KLC1: variants seen among roughly 807,000 people sequenced by gnomAD.
The protein encoded by KLC1 is kinesin light chain 1.
Under a neutral mutation model 84.2 loss-of-function variants are expected in KLC1, and 30 were observed. The ratio of observed to expected loss-of-function variants is 0.36; its 90% CI spans 0.27 to 0.48. The LOEUF is 0.48. KLC1 is among the 20% of genes least tolerant of loss of function. The pLI is 0.99. For synonymous variants in KLC1, 289 were observed against 293.3 expected, an observed-to-expected ratio of 0.99 and a Z score of 0.15; for missense variants, 499 against 805.4, an observed-to-expected ratio of 0.62 and a Z score of 4.60.
At chr14:103,696,039 C>T (rs3212140) in intron 15 of KLC1, 249,123 of 982,390 alleles carry the variant, frequency 0.25, 32,465 homozygotes, top group East Asian at 0.55. Flanking sequence ...AGAGGAACCC[C>T]ACGCGAGAGT....
At position 103,656,466 on chromosome 14, in the gene KLC1, A is replaced by G. The variant is rs531018504; in HGVS notation, c.262-1080A>G. Among the ~76,000 whole-genome samples the G allele has an allele frequency of 2.6e-5, 4 of 152,350 alleles. No individual in the cohort carries two copies. The South Asian group carries it at 8.3e-4, about 32-fold the overall frequency. On this transcript the variant is annotated intron_variant, in intron 2 of 16. Transcript: ENST00000334553. ...GGCTCTGTCAGCATATCTTAGGTAA[A>G]ATTAAATATACCAAAGCTTTGCTTC...
Position 103,677,326 on chromosome 14 carries a change from G to T in KLC1, c.1380-89G>T. The T allele has an allele frequency of 1.0e-5, 8 of 792,450 alleles. No homozygotes were observed. The South Asian group carries it at 1.2e-4, about 12-fold the overall frequency. The allele number at this position is 792,450 out of a possible 1,614,324, so 49.1% of individuals were successfully genotyped here. ...AAAATATATTCAAGCCAAAACAGAA[G>T]TCTGTTAGTTCTTTAGATTATGTGC... On this transcript the variant is annotated intron_variant, in intron 11 of 16. Transcript: ENST00000334553.
chr14:103,662,990 C>T, intron 5 of KLC1, 63 bp downstream of exon 5: 3 of 1,104,046 alleles, frequency 2.7e-6, no homozygotes, highest in South Asian at 1.6e-5. Flanking sequence ...CCATCTTGCC[C>T]CTTAAAATAT....
intron 1 of KLC1, among the ~76,000 whole-genome samples, chr14:103,635,117 G>A (rs572257977): frequency 6.6e-6 from 1 of 152,328 alleles, no homozygotes; most frequent in East Asian, 1.9e-4. Flanking sequence ...TGAACTTAAA[G>A]CAACGGATAT....
At chr14:103,631,313 C>G (rs965096053) in intron 1 of KLC1, among the ~76,000 whole-genome samples, 2 of 152,126 alleles carry the variant, frequency 1.3e-5, no homozygotes, top group Non-Finnish European at 2.9e-5. Context: ...ATCTCCTGAC[C>G]TCGTGATCCG....
intron 15 of KLC1, chr14:103,695,407 A>G (rs1567043416): frequency 2.0e-6 from 2 of 978,320 alleles, no homozygotes; most frequent in Non-Finnish European, 2.4e-6. Context: ...TGAGAAGCCA[A>G]CCCCCCCCAA....
rs1595577710 is a variant in KLC1 at position 103,692,525 on chromosome 14, A to G, written c.1848+100A>G. On this transcript the variant is annotated intron_variant, in intron 15 of 16. Coordinates refer to ENST00000334553, the MANE Select transcript of KLC1 (RefSeq NM_001394837.1). Reference sequence around the variant, plus strand: ...GCCCCTGCTCGGCCCCTGCTCCTGCAGAGGGCTGGGGACGCCGCCACGTTT... The same window carrying G: ...GCCCCTGCTCGGCCCCTGCTCCTGCGGAGGGCTGGGGACGCCGCCACGTTT... The G allele has an allele frequency of 3.0e-6, 3 of 1,003,468 alleles. No homozygotes were observed. The East Asian group carries it at 7.9e-5, about 26-fold the overall frequency. 62.2% of individuals were successfully genotyped at this position (1,003,468 alleles called of 1,614,324 possible). A position where few individuals can be genotyped will look rare whatever the true frequency, so the allele number is the denominator to read the frequency against.
chr14:103,655,881 C>T (rs1199594421), intron 2 of KLC1, among the ~76,000 whole-genome samples: 1 of 152,164 alleles, frequency 6.6e-6, no homozygotes, highest in African/African-American at 2.4e-5. Context: ...ATAGTGGATA[C>T]TGCTGTGTAT....
chr14:103,650,892 T>A (rs1439955537), intron 1 of KLC1, among the ~76,000 whole-genome samples: 1 of 152,116 alleles, frequency 6.6e-6, no homozygotes, highest in Non-Finnish European at 1.5e-5. Flanking sequence ...TGTATACTTT[T>A]GAATTCTTCA....
At chr14:103,689,898 C>A (rs563037483) in intron 14 of KLC1, among the ~76,000 whole-genome samples, 1 of 152,090 alleles carries the variant, frequency 6.6e-6, no homozygotes, top group East Asian at 1.9e-4. Flanking sequence ...GAGTTAATGG[C>A]GGCCGGTGCA....
At chr14:103,686,939 G>A in intron 13 of KLC1, 142 bp from the exon 14 acceptor site, 1 of 452,092 alleles carries the variant, frequency 2.2e-6, no homozygotes, top group East Asian at 3.5e-5. Context: ...ATGGTAATTG[G>A]TGGTTTCTGC....
intron 15 of KLC1, chr14:103,696,068 A>T: frequency 1.0e-6 from 1 of 976,838 alleles, no homozygotes; most frequent in Non-Finnish European, 1.2e-6. Context: ...GTTTCTTCAG[A>T]GTTGCTGTCA....
intron 1 of KLC1, among the ~76,000 whole-genome samples, chr14:103,639,419 C>T (rs1029461338): frequency 3.3e-5 from 5 of 152,154 alleles, no homozygotes; most frequent in Non-Finnish European, 7.4e-5. Context: ...GTGTGAGCCA[C>T]CACGCCTGGC....
chr14:103,636,617 T>C (rs1269295328), intron 1 of KLC1, among the ~76,000 whole-genome samples: 2 of 152,168 alleles, frequency 1.3e-5, no homozygotes, highest in African/African-American at 2.4e-5. Flanking sequence ...GGTGAGCGCT[T>C]ACATGCTTGT....
At position 103,677,500 on chromosome 14, in the gene KLC1, G is replaced by A; in HGVS notation, c.1465G>A (p.Ala489Thr). ...KFEAAETLEE[A>T]AMRSRKQGLD... ...TGAAGCTGCAGAAACGTTAGAAGAAGCTGCTATGAGGTCTCGTAAACAGGT... is the reference window on the plus strand; with the variant it reads ...TGAAGCTGCAGAAACGTTAGAAGAAACTGCTATGAGGTCTCGTAAACAGGT... Residue 489 changes from alanine (A) to threonine (T), a missense_variant, in exon 12 of 17, where the codon GCT (alanine) becomes ACT (threonine). This residue lies in a region of KLC1 where 167 missense variants were observed against 208.8 expected (regional missense o/e 0.80). Transcript: ENST00000334553. 6.2e-7 allele frequency: 1 copy of A among 1,613,722 alleles called. No homozygotes were observed. Among genetic ancestry groups the A allele is most frequent in the South Asian group, 1.1e-5 (1 of 91,072 alleles).
intron 13 of KLC1, chr14:103,682,222 T>A (rs972618661): frequency 2.0e-5 from 3 of 151,902 alleles, no homozygotes; most frequent in African/African-American, 7.3e-5. Flanking sequence ...TATAAAAAAT[T>A]AGCCGTGCAT....
At chr14:103,671,476 T>A (rs2080384380) in intron 7 of KLC1, among the ~76,000 whole-genome samples, 1 of 152,090 alleles carries the variant, frequency 6.6e-6, no homozygotes, top group Non-Finnish European at 1.5e-5. Flanking sequence ...TTCCAGGAAT[T>A]CTCTTGCCTC....
chr14:103,641,543 G>A (rs1465830355), intron 1 of KLC1, among the ~76,000 whole-genome samples: 1 of 152,132 alleles, frequency 6.6e-6, no homozygotes, highest in African/African-American at 2.4e-5. Context: ...ACTTCTAGAT[G>A]TATTCTCACA....
Position 103,699,043 on chromosome 14 carries a change from G to A in KLC1, c.1849-1612G>A, listed in dbSNP as rs199549072. On this transcript the variant is annotated intron_variant, in intron 15 of 16. Transcript: ENST00000334553. ...CTGAGAAACAGGAAGCAGGCAAGCT[G>A]GCGCTCAGGCTTGGTGGCCCCGCCC... The A allele has an allele frequency of 1.2e-5, 19 of 1,569,106 alleles. No homozygotes were observed. The East Asian group carries it at 4.3e-4, about 35-fold the overall frequency.
Sources: allele counts gnomAD v4.1 joint callset (sites outside exome capture counted in the v4.1 genomes callset), GRCh38; gene constraint gnomAD v4.1.1; regional missense constraint gnomAD v4.1.1; transcripts MANE v1.5; gene names NCBI Gene and HGNC (gene_info 2026-07-23, HGNC 2026-07-21).